SOCS2: variants seen among roughly 807,000 people sequenced by gnomAD.
The protein encoded by SOCS2 is suppressor of cytokine signaling 2, also known as CIS-2.
A neutral mutation model predicts 18.6 loss-of-function variants in SOCS2; 10 were observed. The observed-to-expected ratio is 0.54, with a 90% CI of 0.33 to 0.91. The LOEUF (loss-of-function observed/expected upper bound fraction) is 0.91, where lower values mean the gene tolerates loss of function less well. SOCS2 is among the 40% of genes least tolerant of loss of function. SOCS2 has a pLI of 0.02. For missense variants in SOCS2, 231 were observed against 247.2 expected (o/e 0.93, Z 0.44); for synonymous variants, 104 against 104.0 (o/e 1.00, Z 0.00).
the SOCS2 span, among the ~76,000 whole-genome samples, chr12:93,606,317 G>T: frequency 6.6e-6 from 1 of 152,142 alleles, no homozygotes; most frequent in Non-Finnish European, 1.5e-5. Flanking sequence ...CACTAGAAGT[G>T]CCACAAGTGG....
the SOCS2 span, among the ~76,000 whole-genome samples, chr12:93,614,564 T>C: frequency 2.0e-4 from 11 of 55,536 alleles, no homozygotes; most frequent in Admixed American, 6.4e-4. Context: ...TCTTTCTTTC[T>C]TTCTTTCTTT....
At chr12:93,601,197 G>A in the SOCS2 span, among the ~76,000 whole-genome samples, 49 of 151,298 alleles carry the variant, frequency 3.2e-4, no homozygotes, top group East Asian at 6.8e-3. Flanking sequence ...TGTATCCAGC[G>A]ACCTTTCTGA....
At position 93,575,002 on chromosome 12, in the gene SOCS2, A is replaced by G. The variant is rs1449604392; in HGVS notation, c.420A>G (p.Pro140=). 1 of 1,614,066 alleles carries G rather than the reference A, an allele frequency of 6.2e-7. No individual in the cohort carries two copies. The highest frequency in any genetic ancestry group is 1.3e-5 in the African/African-American group (1 of 74,932). Reference sequence around the variant, plus strand: ...TGTGCAAGGATAAGCGGACAGGTCCAGAAGCCCCCCGGAACGGCACTGTTC... The same window carrying G: ...TGTGCAAGGATAAGCGGACAGGTCCGGAAGCCCCCCGGAACGGCACTGTTC... The part of the protein sequence containing the change: ...VQMCKDKRTG[P]EAPRNGTVHL... The change falls in exon 2 of 2, where the codon CCA becomes CCG. Residue 140 remains proline (P), a synonymous_variant. Coordinates refer to ENST00000551556, the MANE Select transcript of SOCS2 (RefSeq NM_001270471.2).
rs1180860484 is a variant in SOCS2, at chr12:93,576,668, T to C, written c.*1489T>C. 2.0e-5 allele frequency: 3 copies of C among 152,228 alleles called. No homozygotes were observed. The highest frequency in any genetic ancestry group is 7.2e-5 in the African/African-American group (3 of 41,468). The allele number at this position is 152,228 out of a possible 1,614,324, so 9.4% of individuals were successfully genotyped here. A position where few individuals can be genotyped will look rare whatever the true frequency, so the allele number is the denominator to read the frequency against. ...ATTTTCCTGCATAGCTACAATCCTG[T>C]GGTGTGTCACCATAAAGGTGGACCC... On this transcript the variant is annotated 3_prime_UTR_variant, in exon 2 of 2. Coordinates refer to ENST00000551556, the MANE Select transcript of SOCS2 (RefSeq NM_001270471.2).
chr12:93,580,630 A>AAT (rs1954525564), downstream of SOCS2, among the ~76,000 whole-genome samples: 1 of 151,558 alleles, frequency 6.6e-6, no homozygotes, highest in Non-Finnish European at 1.5e-5. Flanking sequence ...AAAAAAAAAA[A>AAT]AAAAAAAAAA....
At chr12:93,600,052 T>A in the SOCS2 span, among the ~76,000 whole-genome samples, 1 of 152,238 alleles carries the variant, frequency 6.6e-6, no homozygotes, top group Non-Finnish European at 1.5e-5. Context: ...GATTTACCAA[T>A]CTTATTCTTT....
chr12:93,591,242 A>T, the SOCS2 span, among the ~76,000 whole-genome samples: 752 of 148,126 alleles, frequency 5.1e-3, 6 homozygotes, highest in East Asian at 0.049. Context: ...GGTGTTTTTT[A>T]AAAAAAAAAC....
At chr12:93,609,036 GAT>G in the SOCS2 span, among the ~76,000 whole-genome samples, 1 of 152,146 alleles carries the variant, frequency 6.6e-6, no homozygotes, top group African/African-American at 2.4e-5. Flanking sequence ...GAGGCGGGCA[GAT>G]AACTTGAGTT....
At chr12:93,574,154 A>T (rs1954373284) in intron 1 of SOCS2, 1 of 151,386 alleles carries the variant, frequency 6.6e-6, no homozygotes, top group African/African-American at 2.4e-5. Context: ...CAACAAGTAC[A>T]TAGCAGTGCT....
the SOCS2 span, among the ~76,000 whole-genome samples, chr12:93,614,535 CCTTCCTTCTTT>C: frequency 1.6e-4 from 14 of 88,380 alleles, no homozygotes; most frequent in Admixed American, 2.8e-4. Context: ...TTCCTTCCTT[CCTTCCTTCTTT>C]CTTTCTTTCT....
chr12:93,589,276 C>T, the SOCS2 span, among the ~76,000 whole-genome samples: 1 of 152,200 alleles, frequency 6.6e-6, no homozygotes, highest in African/African-American at 2.4e-5. Flanking sequence ...ATTTCAAAGG[C>T]ATTTCCTGTT....
At chr12:93,619,901 G>C in the SOCS2 span, among the ~76,000 whole-genome samples, 1 of 152,108 alleles carries the variant, frequency 6.6e-6, no homozygotes, top group Admixed American at 6.6e-5. Flanking sequence ...CACAGCCAAA[G>C]GTAATCTTTC....
At chr12:93,586,072 T>G (rs1954583322), downstream of SOCS2, among the ~76,000 whole-genome samples, 1 of 152,166 alleles carries the variant, frequency 6.6e-6, no homozygotes, top group African/African-American at 2.4e-5. Flanking sequence ...CCAAATATTT[T>G]CGTTCTGTGG....
At chr12:93,590,781 CTCAAAAAAAAAAAA>C in the SOCS2 span, among the ~76,000 whole-genome samples, 1 of 42,612 alleles carries the variant, frequency 2.3e-5, no homozygotes. Context: ...AAGACTCCGC[CTCAAAAAAAAAAAA>C]AAAAAAAAAA....
the SOCS2 span, among the ~76,000 whole-genome samples, chr12:93,599,171 CT>C: frequency 0.076 from 9,243 of 122,100 alleles, 250 homozygotes; most frequent in Middle Eastern, 0.19. Flanking sequence ...TGCTGTTTGT[CT>C]TTTTTTTTTT....
chr12:93,601,199 C>T, the SOCS2 span, among the ~76,000 whole-genome samples: 1 of 151,380 alleles, frequency 6.6e-6, no homozygotes, highest in Non-Finnish European at 1.5e-5. Flanking sequence ...TATCCAGCGA[C>T]CTTTCTGAAT....
the SOCS2 span, among the ~76,000 whole-genome samples, chr12:93,593,227 C>T: frequency 3.3e-5 from 5 of 152,092 alleles, no homozygotes; most frequent in Non-Finnish European, 7.4e-5. Context: ...CACGCTGACC[C>T]GACTCTATAT....
chr12:93,580,725 TTGA>T (rs1954528479), downstream of SOCS2, among the ~76,000 whole-genome samples: 1 of 152,194 alleles, frequency 6.6e-6, no homozygotes, highest in Non-Finnish European at 1.5e-5. Flanking sequence ...CCTTGCCATC[TTGA>T]TGAACTTGAC....
chr12:93,598,026 T>C, the SOCS2 span, among the ~76,000 whole-genome samples: 1,781 of 152,336 alleles, frequency 0.012, 40 homozygotes, highest in African/African-American at 0.041. Context: ...TCTTTTGTTC[T>C]AAATATGTAA....
Sources: gnomAD v4.1 joint callset for allele counts (sites outside exome capture counted in the v4.1 genomes callset) on GRCh38, gnomAD v4.1.1 for gene constraint, MANE v1.5 for transcripts, NCBI Gene and HGNC (gene_info 2026-07-23, HGNC 2026-07-21) for gene names.